LPP: variants seen among roughly 807,000 people sequenced by gnomAD.
LPP encodes lipoma-preferred partner.
A neutral mutation model predicts 60.4 loss-of-function variants in LPP; 38 were observed. The observed-to-expected ratio is 0.63, with a 90% CI of 0.49 to 0.83. LPP has a LOEUF of 0.83. Among genes scored for constraint, LPP ranks in the 40% least tolerant of loss-of-function variants. LPP has a pLI of 0.00. For missense variants in LPP, 902 were observed against 783.6 expected, an observed-to-expected ratio of 1.15 and a Z score of -1.80; for synonymous variants, 328 against 290.8, an observed-to-expected ratio of 1.13 and a Z score of -1.30.
chr3:188,541,015 T>C (rs1205970721), intron 6 of LPP, among the ~76,000 whole-genome samples: 1 of 152,190 alleles, frequency 6.6e-6, no homozygotes, highest in African/African-American at 2.4e-5. Context: ...ATTGCTAGAA[T>C]GTTTCTGTGG....
At chr3:188,841,234 G>A (rs905333308) in intron 9 of LPP, among the ~76,000 whole-genome samples, 1 of 152,126 alleles carries the variant, frequency 6.6e-6, no homozygotes, top group African/African-American at 2.4e-5. Context: ...CTTTAGGAAG[G>A]TGGATGTCTG....
intron 7 of LPP, among the ~76,000 whole-genome samples, chr3:188,655,571 C>G (rs915689011): frequency 2.0e-5 from 3 of 152,084 alleles, no homozygotes; most frequent in African/African-American, 4.8e-5. Context: ...ATTATCACCC[C>G]TGGGGATGCT....
chr3:188,185,982 C>T (rs1726479425), intron 1 of LPP, among the ~76,000 whole-genome samples: 1 of 152,162 alleles, frequency 6.6e-6, no homozygotes, highest in Non-Finnish European at 1.5e-5. Flanking sequence ...CTTTAGAAAC[C>T]TGAGAGAAGA....
chr3:188,523,427 A>G (rs1333213331), intron 5 of LPP, among the ~76,000 whole-genome samples: 1 of 152,198 alleles, frequency 6.6e-6, no homozygotes, highest in Non-Finnish European at 1.5e-5. Context: ...TAGTTAAATA[A>G]GCTCCAAGAC....
chr3:188,343,087 G>T (rs1411455160), intron 3 of LPP, among the ~76,000 whole-genome samples: 1 of 151,976 alleles, frequency 6.6e-6, no homozygotes, highest in Non-Finnish European at 1.5e-5. Flanking sequence ...GTATACATGT[G>T]CCATGGTGGT....
At chr3:188,869,712 G>T (rs989912448) in intron 10 of LPP, among the ~76,000 whole-genome samples, 2 of 152,198 alleles carry the variant, frequency 1.3e-5, no homozygotes, top group Admixed American at 6.5e-5. Flanking sequence ...CTGGATTTCT[G>T]TCAAGCTCCC....
intron 7 of LPP, among the ~76,000 whole-genome samples, chr3:188,698,700 A>G (rs1373950879): frequency 6.6e-6 from 1 of 152,212 alleles, no homozygotes; most frequent in Non-Finnish European, 1.5e-5. Context: ...TGTCTGCCGA[A>G]GCCTAAGGGA....
At chr3:188,612,957 T>A (rs1844025374) in intron 7 of LPP, among the ~76,000 whole-genome samples, 2 of 152,006 alleles carry the variant, frequency 1.3e-5, no homozygotes, top group Admixed American at 6.6e-5. Context: ...AGAGGCAGAA[T>A]GAGAACCTGC....
intron 7 of LPP, among the ~76,000 whole-genome samples, chr3:188,679,635 A>G (rs1296106561): frequency 6.6e-6 from 1 of 152,094 alleles, no homozygotes. Context: ...GCCTGTGCTC[A>G]GGAATACATT....
intron 9 of LPP, among the ~76,000 whole-genome samples, chr3:188,809,839 T>C (rs60818770): frequency 0.037 from 5,650 of 152,284 alleles, 144 homozygotes; most frequent in South Asian, 0.095. Flanking sequence ...ATTTAATCCA[T>C]CTTGAATTAA....
intron 7 of LPP, among the ~76,000 whole-genome samples, chr3:188,636,403 C>T (rs1848776526): frequency 6.6e-6 from 1 of 152,202 alleles, no homozygotes; most frequent in African/African-American, 2.4e-5. Flanking sequence ...CTCGGAGGGT[C>T]CTACCCCATG....
intron 9 of LPP, among the ~76,000 whole-genome samples, chr3:188,842,351 CCCAATTTTA>C (rs1220182659): frequency 6.6e-6 from 1 of 152,152 alleles, no homozygotes; most frequent in African/African-American, 2.4e-5. Flanking sequence ...ATATTTTTCG[CCCAATTTTA>C]CATCAGATTC....
chr3:188,285,042 CAG>C lies in LPP; in HGVS notation c.-66-56620_-66-56619del, dbSNP rs565249177. ...AGTGAAGAAAAAAAAAATGAACAAA[CAG>C]GGCATGTGAGGTCAGGGGCCCTGGT... On this transcript the variant is annotated intron_variant, in intron 2 of 11. Transcript: ENST00000617246. Among the ~76,000 whole-genome samples, 280 of 152,200 alleles carry C rather than the reference CAG, an allele frequency of 1.8e-3. 2 individuals carry two copies. Among genetic ancestry groups the C allele is most frequent in the African/African-American group, 6.3e-3 (262 of 41,522 alleles).
At chr3:188,292,206 C>T (rs1429778274) in intron 2 of LPP, among the ~76,000 whole-genome samples, 1 of 152,144 alleles carries the variant, frequency 6.6e-6, no homozygotes, top group African/African-American at 2.4e-5. Flanking sequence ...AATTAGGAAA[C>T]AGGATGTGCA....
chr3:188,570,903 A>C (rs750332750), intron 6 of LPP, among the ~76,000 whole-genome samples: 7 of 152,094 alleles, frequency 4.6e-5, no homozygotes, highest in Non-Finnish European at 1.0e-4. Flanking sequence ...ACTTCTAAAA[A>C]AAAGTATAAG....
At chr3:188,742,232 T>G (rs1031411858) in intron 8 of LPP, among the ~76,000 whole-genome samples, 1 of 152,078 alleles carries the variant, frequency 6.6e-6, no homozygotes, top group Non-Finnish European at 1.5e-5. Flanking sequence ...GAAAACAGTT[T>G]GGTAGTGTCT....
intron 5 of LPP, among the ~76,000 whole-genome samples, chr3:188,504,105 C>T (rs1218745947): frequency 2.0e-5 from 3 of 152,198 alleles, no homozygotes; most frequent in Admixed American, 2.0e-4. Flanking sequence ...TCCCACAGGT[C>T]TCTTAGGCTC....
chr3:188,710,327 C>G (rs920093099), intron 8 of LPP: 4 of 152,168 alleles, frequency 2.6e-5, no homozygotes, highest in African/African-American at 7.2e-5. Flanking sequence ...GGTCTCTTCT[C>G]TGTCCCTCGC....
chr3:188,284,803 G>A (rs982480901), intron 2 of LPP, among the ~76,000 whole-genome samples: 16 of 152,102 alleles, frequency 1.1e-4, no homozygotes, highest in African/African-American at 1.9e-4. Flanking sequence ...AAAGGGCCTC[G>A]GCCCCATTTC....
Sources: allele counts gnomAD v4.1 joint callset (sites outside exome capture counted in the v4.1 genomes callset), GRCh38; gene constraint gnomAD v4.1.1; transcripts MANE v1.5; gene names NCBI Gene and HGNC (gene_info 2026-07-23, HGNC 2026-07-21).